Variants in UBR3 observed in about 807,000 individuals in gnomAD.
UBR3 encodes E3 ubiquitin-protein ligase UBR3.
UBR3 carries 85 observed loss-of-function variants against 243.2 expected under a neutral mutation model. The observed-to-expected ratio is 0.35, with a 90% CI of 0.29 to 0.42. The LOEUF is 0.42. UBR3 is among the 10% of genes least tolerant of loss of function. The pLI is 1.00. For missense variants in UBR3, 1,686 were observed against 2,300.8 expected, an observed-to-expected ratio of 0.73 and a Z score of 5.47; for synonymous variants, 748 against 799.8, an observed-to-expected ratio of 0.94 and a Z score of 1.09.
intron 1 of UBR3, among the ~76,000 whole-genome samples, chr2:169,865,228 G>A (rs2083219186): frequency 6.6e-6 from 1 of 152,062 alleles, no homozygotes; most frequent in African/African-American, 2.4e-5. Flanking sequence ...GCCCAAGCTG[G>A]TCATGAATTC....
chr2:170,003,642 C>CT (rs371426779), intron 27 of UBR3, among the ~76,000 whole-genome samples: 73 of 149,064 alleles, frequency 4.9e-4, no homozygotes, highest in Non-Finnish European at 8.4e-4. Context: ...TACACAGAGT[C>CT]TTTTTTTTTT....
intron 1 of UBR3, among the ~76,000 whole-genome samples, chr2:169,864,600 C>A (rs1430045465): frequency 2.6e-5 from 4 of 151,704 alleles, no homozygotes; most frequent in Admixed American, 2.6e-4. Context: ...AAAACCCCAT[C>A]TCTACTAAAA....
At chr2:169,959,843 T>A (rs1443208982) in intron 24 of UBR3, among the ~76,000 whole-genome samples, 2 of 152,182 alleles carry the variant, frequency 1.3e-5, no homozygotes, top group African/African-American at 4.8e-5. Flanking sequence ...TCTTTTAGGT[T>A]TTCCAACTGG....
intron 18 of UBR3, among the ~76,000 whole-genome samples, chr2:169,930,445 G>A (rs1159485972): frequency 1.3e-5 from 2 of 151,744 alleles, no homozygotes; most frequent in Admixed American, 1.3e-4. Flanking sequence ...GGAGTGCAGT[G>A]GCGCCATCAT....
At chr2:169,909,222 C>A (rs920334795) in intron 10 of UBR3, among the ~76,000 whole-genome samples, 4 of 152,118 alleles carry the variant, frequency 2.6e-5, no homozygotes, top group African/African-American at 9.7e-5. Flanking sequence ...CAGGTATTCG[C>A]AGATCATGTT....
rs2086831543 is a variant in UBR3, at chr2:169,947,522, C to A, written c.2911-20C>A. On this transcript the variant is annotated intron_variant, in intron 21 of 38. Coordinates refer to ENST00000272793, the MANE Select transcript of UBR3 (RefSeq NM_172070.4). ...ACGTGATGTGGCAAGACTTGATATT[C>A]ATTTTTTTTTTTATTTTAGGCATCA... 7.0e-7 allele frequency: 1 copy of A among 1,423,412 alleles called. No homozygotes were observed. Among genetic ancestry groups the A allele is most frequent in the South Asian group, 1.6e-5 (1 of 62,068 alleles). 88.2% of individuals were successfully genotyped at this position (1,423,412 alleles called of 1,614,324 possible). A position where few individuals can be genotyped will look rare whatever the true frequency, so the allele number is the denominator to read the frequency against.
chr2:170,038,748 A>G (rs1359478701), intron 31 of UBR3, among the ~76,000 whole-genome samples: 1 of 152,160 alleles, frequency 6.6e-6, no homozygotes, highest in East Asian at 1.9e-4. Flanking sequence ...GGCATTGTAT[A>G]AATGCAGGAG....
At chr2:169,916,159 G>A (rs913387774) in intron 11 of UBR3, among the ~76,000 whole-genome samples, 1 of 152,062 alleles carries the variant, frequency 6.6e-6, no homozygotes, top group Non-Finnish European at 1.5e-5. Flanking sequence ...ATGTACATAA[G>A]TACATATACA....
intron 31 of UBR3, among the ~76,000 whole-genome samples, chr2:170,032,721 T>C (rs915657834): frequency 6.6e-6 from 1 of 151,830 alleles, no homozygotes; most frequent in Admixed American, 6.6e-5. Context: ...CAGACTAATG[T>C]GTTCCTTTTT....
In UBR3 at chr2:170,061,455, G is replaced by A; in HGVS notation, c.5019+12G>A. On this transcript the variant is annotated intron_variant, in intron 35 of 38. Transcript: ENST00000272793. ...TACCTAGCTGCCAGGTAGATAATTT[G>A]GGATATGTAAGAGGGAGCTTTTTTT... The A allele has an allele frequency of 3.8e-6, 6 of 1,592,438 alleles. No individual in the cohort carries two copies. Among genetic ancestry groups the A allele is most frequent in the Non-Finnish European group, 5.1e-6 (6 of 1,173,654 alleles).
chr2:169,913,335 G>C (rs1487962488), intron 10 of UBR3, among the ~76,000 whole-genome samples: 2 of 140,672 alleles, frequency 1.4e-5, no homozygotes, highest in African/African-American at 5.1e-5. Context: ...TCCTTTGCCT[G>C]TTTTTTTTTG....
intron 1 of UBR3, among the ~76,000 whole-genome samples, chr2:169,837,577 C>CGTAAG (rs2082149446): frequency 6.6e-6 from 1 of 152,114 alleles, no homozygotes; most frequent in Admixed American, 6.5e-5. Context: ...CCTTAGGAAA[C>CGTAAG]GTAGAATCAT....
At chr2:169,845,796 C>A (rs2082460312) in intron 1 of UBR3, among the ~76,000 whole-genome samples, 1 of 151,920 alleles carries the variant, frequency 6.6e-6, no homozygotes, top group South Asian at 2.1e-4. Context: ...GTTGCCCAGG[C>A]TAGTCTTGAA....
intron 23 of UBR3, 98 bp from the exon 24 acceptor site, chr2:169,958,340 G>C: frequency 1.0e-6 from 1 of 975,748 alleles, no homozygotes; most frequent in Non-Finnish European, 1.5e-6. Context: ...GTTCTCACCT[G>C]TGTGCCAGGG....
chr2:169,917,830 G>A (rs1811545), intron 11 of UBR3, among the ~76,000 whole-genome samples: 20,922 of 152,112 alleles, frequency 0.14, 1,983 homozygotes, highest in East Asian at 0.44. Context: ...AGTCTCCTGA[G>A]TAACTGGGAC....
rs79036304 is a variant in UBR3 at position 169,828,038 on chromosome 2, G to C, written c.531G>C (p.Val177=). The C allele has an allele frequency of 1.4e-6, 2 of 1,387,398 alleles. No homozygotes were observed. The highest frequency in any genetic ancestry group is 1.5e-5 in the African/African-American group (1 of 66,698). The allele number at this position is 1,387,398 out of a possible 1,614,324, so 85.9% of individuals were successfully genotyped here. The change falls in exon 1 of 39, where the codon GTG becomes GTC. Residue 177 remains valine (V), a synonymous_variant. Coordinates refer to ENST00000272793, the MANE Select transcript of UBR3 (RefSeq NM_172070.4). ...GGACDCGDSN[V]MRESGFCKRH... is the part of the protein sequence containing the mutation. ...CCTGCGACTGCGGGGACAGCAACGT[G>C]ATGCGGGAGAGCGGGTGAGTGGAGC... is the stretch of plus-strand genomic sequence containing the variant.
At chr2:169,963,528 A>G (rs910366836) in intron 24 of UBR3, among the ~76,000 whole-genome samples, 2 of 151,986 alleles carry the variant, frequency 1.3e-5, no homozygotes, top group Non-Finnish European at 2.9e-5. Flanking sequence ...GGAGTTTTTT[A>G]AAAAAGAATG....
At position 169,977,556 on chromosome 2, in the gene UBR3, A is replaced by G. The variant is rs116308288; in HGVS notation, c.3635-9089A>G. On this transcript the variant is annotated intron_variant, in intron 24 of 38. Transcript: ENST00000272793. ...CCCAAAGGCCAAAGAACCTGTGTCA[A>G]ATGTCCAAGGGCAGGAGGAGAAAAG... 5.8e-3 allele frequency among the ~76,000 whole-genome samples: 882 copies of G among 152,274 alleles called. 8 individuals carry two copies. Among genetic ancestry groups the G allele is most frequent in the African/African-American group, 0.02 (832 of 41,556 alleles).
At chr2:169,944,932 CA>C (rs1163070040) in intron 20 of UBR3, among the ~76,000 whole-genome samples, 1 of 152,112 alleles carries the variant, frequency 6.6e-6, no homozygotes, top group Non-Finnish European at 1.5e-5. Flanking sequence ...CTCTCCATAA[CA>C]TAGTGGATCA....
Sources: gnomAD v4.1 joint callset for allele counts (sites outside exome capture counted in the v4.1 genomes callset) on GRCh38, gnomAD v4.1.1 for gene constraint, MANE v1.5 for transcripts, NCBI Gene and HGNC (gene_info 2026-07-23, HGNC 2026-07-21) for gene names.